Variants in PPP5C observed in about 807,000 individuals in gnomAD.
The protein encoded by PPP5C is protein phosphatase 5 catalytic subunit, also known as serine/threonine-protein phosphatase 5.
PPP5C carries 21 observed loss-of-function variants against 66.7 expected under a neutral mutation model. That is an observed-to-expected ratio of 0.31 (90% CI 0.22 to 0.45). The LOEUF is 0.45. PPP5C is among the 20% of genes least tolerant of loss of function. The probability of loss-of-function intolerance (pLI) is 1.00; values close to 1 mark genes in which losing one functional copy is unlikely to be tolerated. For missense variants in PPP5C, 464 were observed against 675.9 expected, an observed-to-expected ratio of 0.69 and a Z score of 3.48; for synonymous variants, 246 against 257.4, an observed-to-expected ratio of 0.96 and a Z score of 0.43.
chr19:46,387,846 G>GGTGA, intron 9 of PPP5C: 1 of 815,464 alleles, frequency 1.2e-6, no homozygotes, highest in Non-Finnish European at 1.7e-6. Flanking sequence ...GGATTGGGTG[G>GGTGA]GCTGGTGCTG....
rs764524071 is a variant in PPP5C, at chr19:46,383,781, C to T, written c.701C>T (p.Thr234Ile). 3 of 1,611,494 alleles carry T rather than the reference C, an allele frequency of 1.9e-6. No individual in the cohort carries two copies. The highest frequency in any genetic ancestry group is 2.5e-6 in the Non-Finnish European group (3 of 1,177,794). The part of the protein sequence containing the change: ...STLVETTLKE[T>I]EKITVCGDTH... Reference sequence around the variant, plus strand: ...CTCCGGTGGCCTCTTTTCTTTCAGACAGAGAAGATTACAGTATGTGGGGAC... The same window carrying T: ...CTCCGGTGGCCTCTTTTCTTTCAGATAGAGAAGATTACAGTATGTGGGGAC... The change falls in exon 6 of 13, where the codon ACA becomes ATA. Residue 234 changes from threonine (T) to isoleucine (I), a missense_variant and splice_region_variant. Physicochemically the swap from Thr to Ile is moderately conservative, Grantham distance 89 (BLOSUM62 -1). Coordinates refer to ENST00000012443, the MANE Select transcript of PPP5C (RefSeq NM_006247.4). The surrounding 1 kb of genome is among the most constrained non-coding windows in gnomAD (Gnocchi z 5.0).
At chr19:46,378,657 T>G (rs1289079213) in intron 4 of PPP5C, among the ~76,000 whole-genome samples, 1 of 152,258 alleles carries the variant, frequency 6.6e-6, no homozygotes, top group Non-Finnish European at 1.5e-5. Flanking sequence ...AGGATTGTTA[T>G]GCTTTCTTGA....
At chr19:46,389,928 G>A in intron 11 of PPP5C, 123 bp from the exon 12 acceptor site, 1 of 804,772 alleles carries the variant, frequency 1.2e-6, no homozygotes, top group Middle Eastern at 2.3e-4. Context: ...CTGTCCATCT[G>A]TGTCTGTTGT....
rs563559010 is a variant in PPP5C at position 46,363,840 on chromosome 19, C to T, written c.363+9851C>T. Among the ~76,000 whole-genome samples the T allele has an allele frequency of 7.9e-5, 12 of 152,210 alleles. No individual in the cohort carries two copies. In the South Asian group the frequency reaches 2.5e-3, roughly 32 times the overall value. ...ATATATGTAGACACAACATATAGCA[C>T]ACATGTACACATGTATGTATCGACA... is the stretch of plus-strand genomic sequence containing the variant. On this transcript the variant is annotated intron_variant, in intron 2 of 12. Coordinates refer to ENST00000012443, the MANE Select transcript of PPP5C (RefSeq NM_006247.4).
chr19:46,365,476 C>T (rs150572674), intron 2 of PPP5C, among the ~76,000 whole-genome samples: 3 of 152,278 alleles, frequency 2.0e-5, no homozygotes, highest in African/African-American at 7.2e-5. Context: ...TATATTGCGT[C>T]GAGGTGTGCC....
In PPP5C at chr19:46,388,858, C is replaced by T; in HGVS notation, c.1355+127C>T. On this transcript the variant is annotated intron_variant, in intron 11 of 12. Coordinates refer to ENST00000012443, the MANE Select transcript of PPP5C (RefSeq NM_006247.4). The surrounding 1 kb of genome is among the most constrained non-coding windows in gnomAD (Gnocchi z 4.9). ...AGAGCAGATAAAAGAACATGACGAA[C>T]ACCCCCGTATGTGTCACCCACCCAT... The T allele has an allele frequency of 1.7e-6, 2 of 1,187,198 alleles. No homozygotes were observed. The highest frequency in any genetic ancestry group is 2.4e-6 in the Non-Finnish European group (2 of 848,880). The allele number at this position is 1,187,198 out of a possible 1,614,324, so 73.5% of individuals were successfully genotyped here. A position where few individuals can be genotyped will look rare whatever the true frequency, so the allele number is the denominator to read the frequency against.
intron 4 of PPP5C, chr19:46,382,698 C>G (rs2147398223): frequency 1.4e-6 from 1 of 733,546 alleles, no homozygotes; most frequent in Admixed American, 6.2e-5. Flanking sequence ...CCATCATAAC[C>G]TGGATCTCCC....
chr19:46,390,568 A>G lies in PPP5C; in HGVS notation c.*222A>G. ...TGGACAGAGAGGAAGGAGGTGGAGC[A>G]GCTGGGGCTGGGGGCACAGCCTGGG... On this transcript the variant is annotated 3_prime_UTR_variant, in exon 13 of 13. Transcript: ENST00000012443. 3.6e-6 allele frequency: 5 copies of G among 1,381,860 alleles called. No homozygotes were observed. Among genetic ancestry groups the G allele is most frequent in the Non-Finnish European group, 4.7e-6 (5 of 1,064,078 alleles). The allele number at this position is 1,381,860 out of a possible 1,614,324, so 85.6% of individuals were successfully genotyped here. A position where few individuals can be genotyped will look rare whatever the true frequency, so the allele number is the denominator to read the frequency against.
In PPP5C at chr19:46,390,107, C is replaced by T. The variant is rs1171866891; in HGVS notation, c.1412C>T (p.Pro471Leu). Residue 471 changes from proline (P) to leucine (L), a missense_variant, in exon 12 of 13, where the codon CCT becomes CTT. By Grantham distance (98) the Pro-to-Leu change is moderately conservative. Transcript: ENST00000012443. ...CACCTCCAGGGCTCTGACCTACGGC[C>T]TCAGTTCCACCAGTTCACAGCAGTG... is the stretch of plus-strand genomic sequence containing the variant. The part of the protein sequence containing the change: ...YIHLQGSDLR[P>L]QFHQFTAVPH... 1 of 1,614,144 alleles carries T rather than the reference C, an allele frequency of 6.2e-7. No individual in the cohort carries two copies. The highest frequency in any genetic ancestry group is 8.5e-7 in the Non-Finnish European group (1 of 1,180,006).
At chr19:46,349,904 C>T (rs144463310) in intron 1 of PPP5C, among the ~76,000 whole-genome samples, 438 of 151,856 alleles carry the variant, frequency 2.9e-3, no homozygotes, top group African/African-American at 0.01. Context: ...TGAGCAGAGC[C>T]AGGCATGGAG....
Position 46,347,193 on chromosome 19 carries a change from A to T in PPP5C, c.97A>T (p.Thr33Ser). 6.2e-7 allele frequency: 1 copy of T among 1,606,714 alleles called. No individual in the cohort carries two copies. Among genetic ancestry groups the T allele is most frequent in the Non-Finnish European group, 8.5e-7 (1 of 1,177,060 alleles). The change falls in exon 1 of 13, where the codon ACT (threonine) becomes TCT (serine). Residue 33 changes from threonine to serine, a missense_variant. Transcript: ENST00000012443. ...TCTGAAGCGGGCAGAGGAGCTCAAG[A>T]CTCAGGCCAATGACTACTTCAAAGG... ...GALKRAEELKTQANDYFKAKD... is the reference protein window; with the variant it reads ...GALKRAEELKSQANDYFKAKD...
At chr19:46,353,528 T>TGGGGGGGGGGGG (rs1568564253) in intron 1 of PPP5C, among the ~76,000 whole-genome samples, 1 of 107,958 alleles carries the variant, frequency 9.3e-6, no homozygotes, top group Non-Finnish European at 2.0e-5. Context: ...GAGGGGTGGG[T>TGGGGGGGGGGGG]GGGCGGGTGT....
At chr19:46,347,526 C>T (rs1972104126) in intron 1 of PPP5C, among the ~76,000 whole-genome samples, 1 of 150,950 alleles carries the variant, frequency 6.6e-6, no homozygotes, top group Non-Finnish European at 1.5e-5. Context: ...AGGGCGCTAC[C>T]AGGCAGTGAC....
intron 2 of PPP5C, among the ~76,000 whole-genome samples, chr19:46,372,661 T>C (rs577148617): frequency 6.6e-6 from 1 of 152,370 alleles, no homozygotes; most frequent in Admixed American, 6.5e-5. Context: ...ACGAAGATAA[T>C]GCTTTTAGAA....
intron 1 of PPP5C, among the ~76,000 whole-genome samples, chr19:46,351,692 A>G (rs923728870): frequency 3.3e-5 from 5 of 152,230 alleles, no homozygotes; most frequent in Non-Finnish European, 5.9e-5. Flanking sequence ...CTGGCATTCC[A>G]GGGAGGGTCG....
intron 2 of PPP5C, among the ~76,000 whole-genome samples, chr19:46,374,494 C>T (rs1345061592): frequency 6.6e-6 from 1 of 152,136 alleles, no homozygotes; most frequent in Non-Finnish European, 1.5e-5. Flanking sequence ...AGTCACATGG[C>T]AAGTAAGTAG....
intron 2 of PPP5C, among the ~76,000 whole-genome samples, chr19:46,366,485 G>A (rs1397335110): frequency 2.6e-5 from 4 of 151,986 alleles, no homozygotes; most frequent in Non-Finnish European, 2.9e-5. Flanking sequence ...AGCTGGGACT[G>A]CAAGTGCATG....
At chr19:46,353,664 C>T in intron 1 of PPP5C, 84 bp from the exon 2 acceptor site, 1 of 1,572,438 alleles carries the variant, frequency 6.4e-7, no homozygotes, top group Non-Finnish European at 8.7e-7. Flanking sequence ...CATCTGTGAA[C>T]AGGGAGACTG....
intron 2 of PPP5C, among the ~76,000 whole-genome samples, chr19:46,372,406 A>T (rs886379116): frequency 1.3e-5 from 2 of 151,008 alleles, no homozygotes; most frequent in African/African-American, 4.9e-5. Context: ...AGAGATAGGG[A>T]CTCACTATGT....
Sources: allele counts gnomAD v4.1 joint callset (sites outside exome capture counted in the v4.1 genomes callset), GRCh38; gene constraint gnomAD v4.1.1; non-coding constraint Gnocchi (gnomAD v3.1); transcripts MANE v1.5; gene names NCBI Gene and HGNC (gene_info 2026-07-23, HGNC 2026-07-21).